Variants in RAP1GAP2 observed in about 807,000 individuals in gnomAD.
RAP1GAP2 encodes the protein rap1 GTPase-activating protein 2.
Under a neutral mutation model 95.0 loss-of-function variants are expected in RAP1GAP2, and 27 were observed. That is an observed-to-expected ratio of 0.28 (90% confidence interval 0.21 to 0.39). The LOEUF (loss-of-function observed/expected upper bound fraction) is 0.39. RAP1GAP2 is among the 10% of genes least tolerant of loss of function. The probability of loss-of-function intolerance (pLI) is 1.00; values close to 1 mark genes in which losing one functional copy is unlikely to be tolerated. For synonymous variants in RAP1GAP2, 373 were observed against 380.9 expected (o/e 0.98, Z 0.24); for missense variants, 771 against 970.0 (o/e 0.79, Z 2.72).
At chr17:2,947,461 A>G (rs1016140005) in intron 3 of RAP1GAP2, among the ~76,000 whole-genome samples, 1 of 151,780 alleles carries the variant, frequency 6.6e-6, no homozygotes, top group African/African-American at 2.4e-5. Context: ...CGCCCTGGCC[A>G]CTCCCAGGCC....
At chr17:2,774,527 G>T (rs181760488), upstream of RAP1GAP2, among the ~76,000 whole-genome samples, 1,717 of 145,540 alleles carry the variant, frequency 0.012, 32 homozygotes, top group African/African-American at 0.041. Flanking sequence ...TGTCACCCAG[G>T]CTGGAGTGCA....
At chr17:2,925,463 G>A (rs1013468941) in intron 3 of RAP1GAP2, among the ~76,000 whole-genome samples, 1 of 152,122 alleles carries the variant, frequency 6.6e-6, no homozygotes, top group African/African-American at 2.4e-5. Context: ...TTCCAAACAC[G>A]TAAACCCATC....
chr17:2,761,289 C>CT (rs1002992848), intron 1 of RAP1GAP2, among the ~76,000 whole-genome samples: 1,396 of 106,334 alleles, frequency 0.013, 9 homozygotes, highest in Non-Finnish European at 0.021. Context: ...GGTCTTTTTT[C>CT]TTTTTTTTTT....
intron 2 of RAP1GAP2, among the ~76,000 whole-genome samples, chr17:2,861,878 A>G (rs1372650562): frequency 6.6e-6 from 1 of 151,672 alleles, no homozygotes; most frequent in South Asian, 2.1e-4. Flanking sequence ...CTGCTCTCGA[A>G]CTCCTGACCC....
At chr17:2,780,208 G>A (rs1183233216) in intron 1 of RAP1GAP2, among the ~76,000 whole-genome samples, 6 of 152,140 alleles carry the variant, frequency 3.9e-5, no homozygotes, top group East Asian at 1.9e-4. Flanking sequence ...GCGCCACCAC[G>A]TCCTACTAAT....
intron 2 of RAP1GAP2, among the ~76,000 whole-genome samples, chr17:2,852,981 G>A (rs1202768479): frequency 5.9e-5 from 9 of 152,132 alleles, no homozygotes. Context: ...GCAGCGGCCA[G>A]GCCCGGGTGG....
chr17:2,818,485 G>A (rs992503274), intron 2 of RAP1GAP2, among the ~76,000 whole-genome samples: 2 of 151,842 alleles, frequency 1.3e-5, no homozygotes, highest in Non-Finnish European at 1.5e-5. Context: ...CACCACGCCC[G>A]GCTAATTTTT....
intron 2 of RAP1GAP2, among the ~76,000 whole-genome samples, chr17:2,813,902 G>T (rs1327060530): frequency 1.3e-5 from 2 of 152,128 alleles, no homozygotes; most frequent in African/African-American, 4.8e-5. Flanking sequence ...GGCGGAGGTT[G>T]CAGTGAGCCG....
chr17:2,975,832 G>A (rs551163242), intron 8 of RAP1GAP2, among the ~76,000 whole-genome samples: 56 of 152,352 alleles, frequency 3.7e-4, no homozygotes, highest in African/African-American at 1.3e-3. Flanking sequence ...ACACTAAGCC[G>A]TGTGCTCCCA....
intron 2 of RAP1GAP2, among the ~76,000 whole-genome samples, chr17:2,810,712 G>A (rs2069732635): frequency 6.6e-6 from 1 of 151,912 alleles, no homozygotes. Flanking sequence ...TGTATTTTTA[G>A]TAGAGATGGG....
intron 2 of RAP1GAP2, among the ~76,000 whole-genome samples, chr17:2,835,670 A>C (rs2071098133): frequency 1.3e-5 from 2 of 152,166 alleles, no homozygotes; most frequent in Admixed American, 1.3e-4. Context: ...GGCTGCAGTG[A>C]GCTATGATCG....
At chr17:2,864,816 T>TC (rs1280712880) in intron 2 of RAP1GAP2, among the ~76,000 whole-genome samples, 1 of 151,860 alleles carries the variant, frequency 6.6e-6, no homozygotes, top group Non-Finnish European at 1.5e-5. Flanking sequence ...TCCTCCTCCC[T>TC]CCCCCTCCTG....
At chr17:2,864,546 T>G (rs1301490414) in intron 2 of RAP1GAP2, among the ~76,000 whole-genome samples, 1 of 152,162 alleles carries the variant, frequency 6.6e-6, no homozygotes, top group African/African-American at 2.4e-5. Flanking sequence ...CACCTACACC[T>G]GGCCACACCT....
At chr17:2,836,326 G>T (rs1027607224) in intron 2 of RAP1GAP2, among the ~76,000 whole-genome samples, 1 of 151,934 alleles carries the variant, frequency 6.6e-6, no homozygotes, top group Non-Finnish European at 1.5e-5. Flanking sequence ...TTTTGTAATT[G>T]GTAAGTTTAA....
chr17:2,920,892 T>A (rs868669857), intron 3 of RAP1GAP2, among the ~76,000 whole-genome samples: 16 of 152,238 alleles, frequency 1.1e-4, no homozygotes, highest in African/African-American at 3.4e-4. Flanking sequence ...GCTACCCTCT[T>A]CCATGAGTGT....
At chr17:3,001,995 C>A (rs543015547) in intron 14 of RAP1GAP2, among the ~76,000 whole-genome samples, 1 of 146,842 alleles carries the variant, frequency 6.8e-6, no homozygotes, top group South Asian at 2.1e-4. Flanking sequence ...GAGACAGTCT[C>A]GCTGTCACCC....
At chr17:2,931,280 T>TGTGTGTGTGTGTGTG (rs2043143190) in intron 3 of RAP1GAP2, among the ~76,000 whole-genome samples, 15 of 146,666 alleles carry the variant, frequency 1.0e-4, no homozygotes, top group African/African-American at 3.6e-4. Context: ...TGAGTGTTTC[T>TGTGTGTGTGTGTGTG]TGTGTGTGTG....
At chr17:2,929,215 A>G (rs576535780) in intron 3 of RAP1GAP2, among the ~76,000 whole-genome samples, 5 of 152,210 alleles carry the variant, frequency 3.3e-5, no homozygotes, top group Non-Finnish European at 5.9e-5. Context: ...CCTGGGCGAC[A>G]GAGTGAGACT....
rs570230925 is a variant in RAP1GAP2 at position 3,004,003 on chromosome 17, G to A, written c.1201-1366G>A. Among the ~76,000 whole-genome samples, 5 of 152,298 alleles carry A rather than the reference G, an allele frequency of 3.3e-5. No homozygotes were observed. The East Asian group carries it at 9.7e-4, about 29-fold the overall frequency. On this transcript the variant is annotated intron_variant, in intron 14 of 24. Transcript: ENST00000254695. The surrounding 1 kb of genome is among the most constrained non-coding windows in gnomAD (Gnocchi z 4.1). Reference sequence around the variant, plus strand: ...ACAGACCACTCTAATGCAGGCTGGAGGAGGAGGGGGAGTGGGGTGGGAAGG... The same window carrying A: ...ACAGACCACTCTAATGCAGGCTGGAAGAGGAGGGGGAGTGGGGTGGGAAGG...
Sources: gnomAD v4.1 joint callset for allele counts (sites outside exome capture counted in the v4.1 genomes callset) on GRCh38, gnomAD v4.1.1 for gene constraint, Gnocchi (gnomAD v3.1) non-coding constraint, MANE v1.5 for transcripts, NCBI Gene and HGNC (gene_info 2026-07-23, HGNC 2026-07-21) for gene names.